The following MTHFS variants were observed in gnomAD, a reference collection of about 807,000 sequenced individuals.
The protein encoded by MTHFS is methenyltetrahydrofolate synthetase.
A neutral mutation model predicts 12.7 loss-of-function variants in MTHFS; 7 were observed. The observed-to-expected ratio is 0.55, with a 90% CI of 0.31 to 1.03. The LOEUF is 1.03. Among genes scored for constraint, MTHFS ranks in the 50% least tolerant of loss-of-function variants. The pLI, the probability that MTHFS is intolerant of heterozygous loss-of-function variation, is 0.05. For synonymous variants in MTHFS, 100 were observed against 97.1 expected (o/e 1.03, Z -0.18); for missense variants, 252 against 258.1 (o/e 0.98, Z 0.16).
intron 2 of MTHFS, among the ~76,000 whole-genome samples, chr15:79,880,293 G>A (rs1367343481): frequency 6.6e-6 from 1 of 151,880 alleles, no homozygotes; most frequent in Admixed American, 6.6e-5. Flanking sequence ...TGTTAGCCAG[G>A]ATGGTCTCGA....
chr15:79,859,992 G>A (rs1288315737), intron 2 of MTHFS, among the ~76,000 whole-genome samples: 1 of 151,710 alleles, frequency 6.6e-6, no homozygotes. Flanking sequence ...AAAGCCAAAG[G>A]CAAAAATCCT....
chr15:79,852,348 T>C (rs546850972), intron 2 of MTHFS, among the ~76,000 whole-genome samples: 4 of 152,334 alleles, frequency 2.6e-5, no homozygotes, highest in African/African-American at 9.6e-5. Flanking sequence ...TAAAATATAT[T>C]CAACTTCTGA....
intron 2 of MTHFS, among the ~76,000 whole-genome samples, chr15:79,861,911 A>G (rs1272904901): frequency 6.6e-6 from 1 of 152,238 alleles, no homozygotes; most frequent in Non-Finnish European, 1.5e-5. Context: ...ATACACAAGT[A>G]TGTTAACAGT....
intron 2 of MTHFS, among the ~76,000 whole-genome samples, chr15:79,884,820 G>A (rs949467820): frequency 9.2e-5 from 14 of 152,226 alleles, no homozygotes; most frequent in African/African-American, 3.4e-4. Flanking sequence ...GAACAGGACA[G>A]CTCAAAGGAG....
At position 79,844,048 on chromosome 15, in the gene MTHFS, G is replaced by A. The variant is rs542052065; in HGVS notation, c.*1162C>T. On this transcript the variant is annotated 3_prime_UTR_variant, in exon 3 of 3. Coordinates refer to ENST00000258874, the MANE Select transcript of MTHFS (RefSeq NM_006441.4). ...GTTACAGGAGAATACAGAGTTGGGA[G>A]AGAAGAGGCTAGAAAAAGTAGATGA... 2.0e-5 allele frequency: 3 copies of A among 152,416 alleles called. No individual in the cohort carries two copies. The highest frequency in any genetic ancestry group is 7.2e-5 in the African/African-American group (3 of 41,594). The allele number at this position is 152,416 out of a possible 1,614,324, so 9.4% of individuals were successfully genotyped here. A position where few individuals can be genotyped will look rare whatever the true frequency, so the allele number is the denominator to read the frequency against.
chr15:79,886,233 T>C (rs1280657130), intron 2 of MTHFS, among the ~76,000 whole-genome samples: 1 of 152,174 alleles, frequency 6.6e-6, no homozygotes. Flanking sequence ...CAGCCTGAGC[T>C]CTGATCAGCT....
At chr15:79,868,889 T>C (rs2034056581) in intron 2 of MTHFS, among the ~76,000 whole-genome samples, 2 of 152,180 alleles carry the variant, frequency 1.3e-5, no homozygotes, top group Non-Finnish European at 2.9e-5. Context: ...GATGTAAATA[T>C]AGATGTACAC....
chr15:79,882,908 A>T (rs2034320409), intron 2 of MTHFS, among the ~76,000 whole-genome samples: 1 of 152,230 alleles, frequency 6.6e-6, no homozygotes, highest in South Asian at 2.1e-4. Context: ...CTTTACTCAC[A>T]AATATAAAAA....
At chr15:79,858,288 G>T (rs1215867408) in intron 2 of MTHFS, among the ~76,000 whole-genome samples, 1 of 152,138 alleles carries the variant, frequency 6.6e-6, no homozygotes, top group African/African-American at 2.4e-5. Context: ...GTAATAAGGG[G>T]TAGAATAATG....
intron 2 of MTHFS, among the ~76,000 whole-genome samples, chr15:79,859,007 A>G: frequency 6.6e-6 from 1 of 152,226 alleles, no homozygotes; most frequent in East Asian, 1.9e-4. Flanking sequence ...ACTTAACAAT[A>G]TACTTAACAG....
chr15:79,857,505 G>A (rs1258524465), intron 2 of MTHFS, among the ~76,000 whole-genome samples: 2 of 152,146 alleles, frequency 1.3e-5, no homozygotes, highest in African/African-American at 4.8e-5. Context: ...CTTCTTGCAT[G>A]CCTAAGAGGA....
At chr15:79,855,246 GA>G (rs2033779356) in intron 2 of MTHFS, among the ~76,000 whole-genome samples, 1 of 151,996 alleles carries the variant, frequency 6.6e-6, no homozygotes, top group Non-Finnish European at 1.5e-5. Context: ...AAACTTACTG[GA>G]AAAAAATATA....
At chr15:79,854,404 C>T (rs2033765599) in intron 2 of MTHFS, among the ~76,000 whole-genome samples, 1 of 152,190 alleles carries the variant, frequency 6.6e-6, no homozygotes, top group South Asian at 2.1e-4. Context: ...TGTGGATGTG[C>T]ACTGGGGGCG....
At chr15:79,889,030 C>G in intron 2 of MTHFS, 63 bp downstream of exon 2, 1 of 1,584,018 alleles carries the variant, frequency 6.3e-7, no homozygotes, top group Non-Finnish European at 8.6e-7. Context: ...CACACATAAC[C>G]CGTGGATCTG....
intron 2 of MTHFS, among the ~76,000 whole-genome samples, chr15:79,873,286 C>A (rs2034137802): frequency 6.6e-6 from 1 of 152,148 alleles, no homozygotes; most frequent in South Asian, 2.1e-4. Flanking sequence ...CGATAAGGTA[C>A]TTCATCTGAG....
chr15:79,874,541 C>T (rs2034156967), intron 2 of MTHFS, among the ~76,000 whole-genome samples: 1 of 152,098 alleles, frequency 6.6e-6, no homozygotes, highest in African/African-American at 2.4e-5. Flanking sequence ...TGACTCATAG[C>T]TCTCTCCATG....
At chr15:79,866,216 C>A (rs748966402) in intron 2 of MTHFS, among the ~76,000 whole-genome samples, 22 of 152,066 alleles carry the variant, frequency 1.4e-4, no homozygotes, top group Non-Finnish European at 2.5e-4. Flanking sequence ...CTCAGAGGAC[C>A]TGATCATGGG....
rs1596086814 is a variant in MTHFS, at chr15:79,896,733, G to A, written c.117+139C>T. On this transcript the variant is annotated intron_variant, in intron 1 of 2. Transcript: ENST00000258874. ...ACTAGGGGGCGTGCGCGCGCCGGGA[G>A]GGGAAACGTGCGCGCGCCGGGGGGT... 6.2e-6 allele frequency: 6 copies of A among 967,000 alleles called. No individual in the cohort carries two copies. In the East Asian group the frequency reaches 1.3e-4, roughly 22 times the overall value. 59.9% of individuals were successfully genotyped at this position (967,000 alleles called of 1,614,324 possible).
At chr15:79,873,094 GACCCTTC>G (rs1302734630) in intron 2 of MTHFS, among the ~76,000 whole-genome samples, 1 of 152,108 alleles carries the variant, frequency 6.6e-6, no homozygotes, top group Non-Finnish European at 1.5e-5. Context: ...AGGGCTTCAG[GACCCTTC>G]ACCTTTCAGT....
Sources: gnomAD v4.1 joint callset for allele counts (sites outside exome capture counted in the v4.1 genomes callset) on GRCh38, gnomAD v4.1.1 for gene constraint, MANE v1.5 for transcripts, NCBI Gene and HGNC (gene_info 2026-07-23, HGNC 2026-07-21) for gene names.